DLGAP2: variants seen among roughly 807,000 people sequenced by gnomAD.
DLGAP2 encodes the protein DLG associated protein 2.
A neutral mutation model predicts 100.3 loss-of-function variants in DLGAP2; 26 were observed. The observed-to-expected ratio is 0.26, with a 90% confidence interval of 0.19 to 0.36. DLGAP2 has a LOEUF of 0.36. Ranked by LOEUF, DLGAP2 falls within the 10% of genes least tolerant of loss-of-function variation. DLGAP2 has a pLI of 1.00. For synonymous variants in DLGAP2, 886 were observed against 630.1 expected, an observed-to-expected ratio of 1.41 and a Z score of -6.08; for missense variants, 1,858 against 1,453.2, an observed-to-expected ratio of 1.28 and a Z score of -4.53.
At chr8:1,525,732 C>G (rs1800772492) in intron 4 of DLGAP2, among the ~76,000 whole-genome samples, 1 of 152,246 alleles carries the variant, frequency 6.6e-6, no homozygotes, top group Non-Finnish European at 1.5e-5. Context: ...CAAAATGCCC[C>G]AAATCACCTG....
rs960569521 is a variant in DLGAP2, at chr8:1,096,504, C to G, written c.74-162347C>G. On this transcript the variant is annotated intron_variant, in intron 2 of 14. Coordinates refer to ENST00000637795, the MANE Select transcript of DLGAP2 (RefSeq NM_001346810.2). The stretch of plus-strand genomic sequence containing the variant: ...CTCCAGAGTCGAGGGACTCATCAAG[C>G]TCTGTGGCATGGAGAGGACCCCTCC... Among the ~76,000 whole-genome samples the G allele has an allele frequency of 4.0e-5, 6 of 151,718 alleles. No individual in the cohort carries two copies. In the East Asian group the frequency reaches 9.8e-4, roughly 25 times the overall value.
intron 8 of DLGAP2, among the ~76,000 whole-genome samples, chr8:1,666,927 C>T (rs556371035): frequency 2.0e-5 from 3 of 152,158 alleles, no homozygotes; most frequent in Non-Finnish European, 2.9e-5. Context: ...CAGCTGCTCT[C>T]GGGCACCGTG....
intron 3 of DLGAP2, among the ~76,000 whole-genome samples, chr8:1,423,662 C>T (rs1797163180): frequency 6.6e-6 from 1 of 152,204 alleles, no homozygotes; most frequent in South Asian, 2.1e-4. Flanking sequence ...AGGAATTGCT[C>T]TGTGCGTTGA....
chr8:935,300 G>A (rs1478820919), intron 2 of DLGAP2, among the ~76,000 whole-genome samples: 1 of 152,210 alleles, frequency 6.6e-6, no homozygotes, highest in Non-Finnish European at 1.5e-5. Context: ...CAAACCTTGT[G>A]TCAGCTGCCA....
chr8:1,569,826 G>A (rs529453587), intron 6 of DLGAP2, among the ~76,000 whole-genome samples: 2 of 150,006 alleles, frequency 1.3e-5, no homozygotes, highest in East Asian at 2.0e-4. Context: ...TCTTCACCCT[G>A]TGGCACTGTT....
chr8:943,301 GA>G (rs56074255), intron 2 of DLGAP2, among the ~76,000 whole-genome samples: 3 of 151,208 alleles, frequency 2.0e-5, no homozygotes, highest in African/African-American at 4.9e-5. Flanking sequence ...TCATCAGTGG[GA>G]AAAAAAAATC....
chr8:876,001 A>G (rs1797682176), intron 1 of DLGAP2, among the ~76,000 whole-genome samples: 1 of 152,194 alleles, frequency 6.6e-6, no homozygotes, highest in African/African-American at 2.4e-5. Flanking sequence ...TATAATTATG[A>G]CTTTACCACC....
At chr8:909,291 CTG>C (rs1798439337) in intron 2 of DLGAP2, among the ~76,000 whole-genome samples, 1 of 152,254 alleles carries the variant, frequency 6.6e-6, no homozygotes, top group Middle Eastern at 3.4e-3. Context: ...ATTTTTGCAA[CTG>C]TGTCCATCAA....
intron 3 of DLGAP2, among the ~76,000 whole-genome samples, chr8:1,430,567 C>G (rs912823442): frequency 6.6e-6 from 1 of 152,190 alleles, no homozygotes; most frequent in African/African-American, 2.4e-5. Flanking sequence ...TGCTTCTGGG[C>G]CTCAGAGGTT....
intron 2 of DLGAP2, among the ~76,000 whole-genome samples, chr8:1,048,963 C>T (rs1563164317): frequency 6.6e-6 from 1 of 152,146 alleles, no homozygotes; most frequent in Non-Finnish European, 1.5e-5. Context: ...TTGACTGAGC[C>T]ACACCAGCTT....
intron 1 of DLGAP2, among the ~76,000 whole-genome samples, chr8:802,050 G>A (rs77191654): frequency 0.025 from 3,239 of 131,894 alleles, 46 homozygotes; most frequent in East Asian, 0.17. Flanking sequence ...TCACGGCCTG[G>A]GGAACAGTCT....
At chr8:1,370,008 A>G (rs6558459) in intron 3 of DLGAP2, among the ~76,000 whole-genome samples, 77,571 of 151,950 alleles carry the variant, frequency 0.51, 20,090 homozygotes, top group East Asian at 0.73. Context: ...AGTTGCCCTC[A>G]GACCTGAGTT....
chr8:1,088,750 C>G (rs1393066542), intron 2 of DLGAP2, among the ~76,000 whole-genome samples: 6 of 127,940 alleles, frequency 4.7e-5, no homozygotes, highest in East Asian at 2.8e-4. Flanking sequence ...CCCCACCCTA[C>G]TCTCTCCACC....
chr8:1,582,160 A>G (rs1221141230), intron 6 of DLGAP2, among the ~76,000 whole-genome samples: 6 of 150,808 alleles, frequency 4.0e-5, no homozygotes, highest in Non-Finnish European at 7.4e-5. Flanking sequence ...TACACACCAC[A>G]GTCAAACTAC....
chr8:962,068 A>G (rs1799738964), intron 2 of DLGAP2, among the ~76,000 whole-genome samples: 1 of 152,232 alleles, frequency 6.6e-6, no homozygotes, highest in Non-Finnish European at 1.5e-5. Flanking sequence ...TGAGATTTCT[A>G]AGCTTAGCAT....
chr8:1,185,351 A>G (rs753944757), intron 2 of DLGAP2, among the ~76,000 whole-genome samples: 1 of 152,100 alleles, frequency 6.6e-6, no homozygotes, highest in Admixed American at 6.5e-5. Flanking sequence ...TCATCCTGGA[A>G]TCAGGTGTTG....
chr8:858,576 G>A (rs1309824279), intron 1 of DLGAP2, among the ~76,000 whole-genome samples: 1 of 151,366 alleles, frequency 6.6e-6, no homozygotes, highest in East Asian at 1.9e-4. Context: ...TGTCACCGTG[G>A]GGACATGTGT....
At chr8:1,282,125 AT>A (rs1799828183) in intron 3 of DLGAP2, among the ~76,000 whole-genome samples, 1 of 140,934 alleles carries the variant, frequency 7.1e-6, no homozygotes, top group East Asian at 2.2e-4. Context: ...CCATCCGGAC[AT>A]GGTGTGACCT....
In DLGAP2 at chr8:1,584,476, T is replaced by G. The variant is rs144247143; in HGVS notation, c.1442+18582T>G. On this transcript the variant is annotated intron_variant, in intron 6 of 14. Coordinates refer to ENST00000637795, the MANE Select transcript of DLGAP2 (RefSeq NM_001346810.2). ...GGAGGCATCCTCTCTCACAGTCTCC[T>G]CCACTACCGTGGGCTGCTGGCTCTT... Among the ~76,000 whole-genome samples the G allele has an allele frequency of 4.7e-3, 712 of 152,270 alleles. 1 individual carries two copies. The highest frequency in any genetic ancestry group is 6.8e-3 in the Non-Finnish European group (464 of 68,012).
Sources: gnomAD v4.1 joint callset for allele counts (sites outside exome capture counted in the v4.1 genomes callset) on GRCh38, gnomAD v4.1.1 for gene constraint, MANE v1.5 for transcripts, NCBI Gene and HGNC (gene_info 2026-07-23, HGNC 2026-07-21) for gene names.